The following EXOC4 variants were observed in gnomAD, a reference collection of about 807,000 sequenced individuals.
The protein encoded by EXOC4 is SEC8-like 1.
In EXOC4, 71 loss-of-function variants were observed where a neutral mutation model predicts 107.2. The ratio of observed to expected loss-of-function variants is 0.66; its 90% confidence interval spans 0.55 to 0.81. The LOEUF (loss-of-function observed/expected upper bound fraction) is 0.81. EXOC4 is among the 30% of genes least tolerant of loss of function. EXOC4 has a pLI of 0.00. For missense variants in EXOC4, 1,108 were observed against 1,189.6 expected (o/e 0.93, Z 1.01); for synonymous variants, 456 against 441.2 (o/e 1.03, Z -0.42).
chr7:133,260,076 C>T (rs563983502), intron 1 of EXOC4, among the ~76,000 whole-genome samples: 4 of 152,198 alleles, frequency 2.6e-5, no homozygotes, highest in Admixed American at 2.0e-4. Flanking sequence ...TTTCCAACAC[C>T]ACTTGTTAAA....
chr7:133,700,746 G>C (rs1241806226), intron 10 of EXOC4, among the ~76,000 whole-genome samples: 1 of 151,942 alleles, frequency 6.6e-6, no homozygotes, highest in Admixed American at 6.6e-5. Context: ...TTTTTTATAT[G>C]GAGACTTAAG....
intron 9 of EXOC4, chr7:133,483,987 G>A (rs1330512844): frequency 6.2e-7 from 1 of 1,601,184 alleles, no homozygotes; most frequent in African/African-American, 1.3e-5. Context: ...ATAGCGGCAG[G>A]CTTTGCTTCC....
At chr7:133,843,187 T>C (rs148942708) in intron 11 of EXOC4, among the ~76,000 whole-genome samples, 72 of 152,366 alleles carry the variant, frequency 4.7e-4, no homozygotes, top group African/African-American at 1.7e-3. Flanking sequence ...AAATAGTTTT[T>C]TTTTCTAATT....
chr7:134,050,612 T>A (rs1795762016), intron 17 of EXOC4, among the ~76,000 whole-genome samples: 1 of 152,164 alleles, frequency 6.6e-6, no homozygotes, highest in African/African-American at 2.4e-5. Flanking sequence ...TTTAGCGATT[T>A]TGAACATGAA....
chr7:133,787,681 G>T (rs1796603977), intron 10 of EXOC4, among the ~76,000 whole-genome samples: 1 of 151,232 alleles, frequency 6.6e-6, no homozygotes, highest in South Asian at 2.1e-4. Context: ...CTTCACATAG[G>T]GTGCAGGGAG....
intron 6 of EXOC4, among the ~76,000 whole-genome samples, chr7:133,358,848 A>G (rs970183327): frequency 1.3e-5 from 2 of 152,092 alleles, no homozygotes; most frequent in Admixed American, 6.6e-5. Flanking sequence ...CACTAGAAGT[A>G]TAATAGAAAT....
At chr7:134,022,069 G>A (rs538053529) in intron 17 of EXOC4, among the ~76,000 whole-genome samples, 1 of 152,304 alleles carries the variant, frequency 6.6e-6, no homozygotes, top group East Asian at 1.9e-4. Flanking sequence ...GATGTGTGCT[G>A]CTGTGAAAGT....
chr7:133,440,705 T>A (rs1393406471), intron 7 of EXOC4, among the ~76,000 whole-genome samples: 2 of 152,058 alleles, frequency 1.3e-5, no homozygotes, highest in African/African-American at 2.4e-5. Flanking sequence ...ACTGCTACAC[T>A]CCCACCAGCA....
At chr7:133,576,482 G>A (rs1801130517) in intron 9 of EXOC4, 1 of 1,280,734 alleles carries the variant, frequency 7.8e-7, no homozygotes, top group Non-Finnish European at 1.0e-6. Flanking sequence ...GCATCTGTCG[G>A]TTGCATTTGA....
intron 7 of EXOC4, among the ~76,000 whole-genome samples, chr7:133,432,933 A>G (rs943367481): frequency 2.0e-5 from 3 of 152,244 alleles, no homozygotes; most frequent in South Asian, 2.1e-4. Context: ...GCAGCACTCT[A>G]TAGCTGTAAT....
intron 10 of EXOC4, among the ~76,000 whole-genome samples, chr7:133,705,642 T>C (rs554790694): frequency 7.9e-4 from 120 of 151,764 alleles, no homozygotes; most frequent in Non-Finnish European, 1.3e-3. Flanking sequence ...TCTGGGGCCA[T>C]TATTAAGTAA....
chr7:133,359,993 C>G (rs1002092543), intron 6 of EXOC4, among the ~76,000 whole-genome samples: 21 of 152,180 alleles, frequency 1.4e-4, no homozygotes, highest in African/African-American at 5.1e-4. Flanking sequence ...AAATATTCAA[C>G]CACAATTATT....
intron 10 of EXOC4, among the ~76,000 whole-genome samples, chr7:133,775,886 G>T (rs1273243544): frequency 6.6e-6 from 1 of 152,122 alleles, no homozygotes; most frequent in Non-Finnish European, 1.5e-5. Flanking sequence ...CTTCAGGAAA[G>T]GATTTCTAGG....
At chr7:133,485,138 TAATA>T (rs922214536) in intron 9 of EXOC4, among the ~76,000 whole-genome samples, 4 of 149,612 alleles carry the variant, frequency 2.7e-5, no homozygotes, top group African/African-American at 9.9e-5. Context: ...AATGAGTCAG[TAATA>T]AATAAATAAA....
At chr7:133,429,386 G>A (rs1797801798) in intron 7 of EXOC4, among the ~76,000 whole-genome samples, 1 of 151,976 alleles carries the variant, frequency 6.6e-6, no homozygotes, top group Admixed American at 6.6e-5. Flanking sequence ...ATTCTGTTAC[G>A]TATTAGGACC....
intron 5 of EXOC4, among the ~76,000 whole-genome samples, chr7:133,341,504 C>G (rs998682156): frequency 6.6e-6 from 1 of 152,106 alleles, no homozygotes; most frequent in Non-Finnish European, 1.5e-5. Context: ...AATGTATATT[C>G]TGCAGTTGTT....
chr7:133,697,373 TTAA>T (rs1349883450), intron 10 of EXOC4, among the ~76,000 whole-genome samples: 3 of 152,236 alleles, frequency 2.0e-5, no homozygotes, highest in Non-Finnish European at 4.4e-5. Context: ...CTTATTTCAC[TTAA>T]TAATTTTGTA....
intron 9 of EXOC4, among the ~76,000 whole-genome samples, chr7:133,577,481 A>G (rs1801158436): frequency 6.6e-6 from 1 of 152,178 alleles, no homozygotes; most frequent in Admixed American, 6.5e-5. Context: ...ATAGCATCTA[A>G]TGTGATTTAT....
the EXOC4 span, among the ~76,000 whole-genome samples, chr7:134,092,922 C>CAAAAAAAAAAAAAAA: frequency 2.5e-5 from 2 of 80,478 alleles, no homozygotes; most frequent in African/African-American, 9.1e-5. Context: ...GACTCCATCT[C>CAAAAAAAAAAAAAAA]AAAAAAAAAA....
Sources: allele counts gnomAD v4.1 joint callset (sites outside exome capture counted in the v4.1 genomes callset), GRCh38; gene constraint gnomAD v4.1.1; transcripts MANE v1.5; gene names NCBI Gene and HGNC (gene_info 2026-07-23, HGNC 2026-07-21).